Variants in SGK3 observed in about 807,000 individuals in gnomAD.
The protein encoded by SGK3 is serine/threonine-protein kinase Sgk3.
Under a neutral mutation model 68.5 loss-of-function variants are expected in SGK3, and 47 were observed. That is an observed-to-expected ratio of 0.69 (90% CI 0.54 to 0.87). The LOEUF (loss-of-function observed/expected upper bound fraction) is 0.87, where lower values mean the gene tolerates loss of function less well. Among genes scored for constraint, SGK3 ranks in the 40% least tolerant of loss-of-function variants. The probability of loss-of-function intolerance (pLI) is 0.00; values close to 1 mark genes in which losing one functional copy is unlikely to be tolerated. For missense variants in SGK3, 479 were observed against 575.5 expected (o/e 0.83, Z 1.72); for synonymous variants, 181 against 189.1 (o/e 0.96, Z 0.35).
chr8:66,793,454 G>T (rs1807547799), intron 1 of SGK3, among the ~76,000 whole-genome samples, 162 bp from the exon 2 acceptor site: 1 of 152,182 alleles, frequency 6.6e-6, no homozygotes, highest in South Asian at 2.1e-4. Flanking sequence ...GTGGCTTGTA[G>T]TAGGAACATA....
At chr8:66,835,369 C>G (rs998964308) in intron 8 of SGK3, among the ~76,000 whole-genome samples, 1 of 152,126 alleles carries the variant, frequency 6.6e-6, no homozygotes, top group African/African-American at 2.4e-5. Flanking sequence ...CAGTATGAAA[C>G]AGTACATTTT....
At chr8:66,778,049 C>G (rs893257057) in intron 1 of SGK3, 1 of 152,296 alleles carries the variant, frequency 6.6e-6, no homozygotes, top group African/African-American at 2.4e-5. Flanking sequence ...TGCAAACCCC[C>G]CCTCACATGC....
chr8:66,766,437 T>C (rs1456781047), intron 1 of SGK3, among the ~76,000 whole-genome samples: 4 of 152,160 alleles, frequency 2.6e-5, no homozygotes, highest in African/African-American at 9.6e-5. Flanking sequence ...GCTGGAGAAT[T>C]GCTTGAACCT....
intron 2 of SGK3, among the ~76,000 whole-genome samples, chr8:66,795,024 T>C (rs993754631): frequency 3.9e-5 from 6 of 152,230 alleles, no homozygotes; most frequent in Non-Finnish European, 8.8e-5. Flanking sequence ...GGCTCTGACA[T>C]GTCCTTCACC....
At chr8:66,762,557 TAAAA>T (rs1308776627) in intron 1 of SGK3, among the ~76,000 whole-genome samples, 2 of 151,904 alleles carry the variant, frequency 1.3e-5, no homozygotes, top group African/African-American at 2.4e-5. Context: ...TCATCACACT[TAAAA>T]AAAACCCACT....
chr8:66,782,903 C>T (rs1459764532), intron 1 of SGK3, among the ~76,000 whole-genome samples: 2 of 152,108 alleles, frequency 1.3e-5, no homozygotes, highest in African/African-American at 4.8e-5. Context: ...TGGTTGTTTC[C>T]AAGTTTTGGC....
intron 1 of SGK3, among the ~76,000 whole-genome samples, chr8:66,748,338 C>A (rs1805709364): frequency 6.6e-6 from 1 of 152,194 alleles, no homozygotes; most frequent in Admixed American, 6.5e-5. Flanking sequence ...TGATCCCTGA[C>A]TGTGCTGAAC....
intron 4 of SGK3, 102 bp downstream of exon 4, chr8:66,804,549 G>C: frequency 8.4e-7 from 1 of 1,197,088 alleles, no homozygotes; most frequent in Admixed American, 2.2e-5. Context: ...GACTTTAAAA[G>C]ATCTTATGCT....
intron 1 of SGK3, among the ~76,000 whole-genome samples, chr8:66,761,887 C>T (rs143300580): frequency 1.3e-3 from 198 of 152,300 alleles, no homozygotes; most frequent in African/African-American, 4.6e-3. Flanking sequence ...CCTACTGCCC[C>T]GTTTCAACAG....
chr8:66,736,275 A>G (rs1805312279), intron 1 of SGK3, among the ~76,000 whole-genome samples: 2 of 152,198 alleles, frequency 1.3e-5, no homozygotes, highest in Admixed American at 6.5e-5. Context: ...AAATTAATAT[A>G]ACAATAAAAA....
intron 1 of SGK3, among the ~76,000 whole-genome samples, chr8:66,760,316 T>C (rs2130458211): frequency 6.7e-6 from 1 of 150,314 alleles, no homozygotes; most frequent in Non-Finnish European, 1.5e-5. Context: ...CTTACTTTGT[T>C]CATTTTCTTT....
intron 12 of SGK3, chr8:66,840,778 C>T: frequency 3.8e-6 from 1 of 266,462 alleles, no homozygotes; most frequent in Non-Finnish European, 7.0e-6. Context: ...GAAACACCAT[C>T]TCTACTAAAA....
At chr8:66,767,558 C>A in intron 1 of SGK3, 1 of 1,477,334 alleles carries the variant, frequency 6.8e-7, no homozygotes, top group Non-Finnish European at 9.5e-7. Flanking sequence ...CTCTCCTCAT[C>A]AAGTATCATG....
chr8:66,845,573 T>C (rs1252649781), intron 14 of SGK3, among the ~76,000 whole-genome samples: 1 of 152,142 alleles, frequency 6.6e-6, no homozygotes, highest in Non-Finnish European at 1.5e-5. Flanking sequence ...TTGCTCAGGC[T>C]GGAGTGTAGT....
chr8:66,842,243 T>TA (rs1301295925), intron 13 of SGK3, among the ~76,000 whole-genome samples: 3 of 149,964 alleles, frequency 2.0e-5, no homozygotes, highest in African/African-American at 7.3e-5. Context: ...TTTTTTGAGA[T>TA]GGAGTCTCGC....
At chr8:66,724,148 A>G (rs1804905897) in intron 1 of SGK3, among the ~76,000 whole-genome samples, 1 of 151,964 alleles carries the variant, frequency 6.6e-6, no homozygotes, top group African/African-American at 2.4e-5. Flanking sequence ...ATTTTTAAAT[A>G]TTTTTTCTAG....
chr8:66,837,775 C>A (rs1005223842), intron 10 of SGK3, among the ~76,000 whole-genome samples: 9 of 151,918 alleles, frequency 5.9e-5, no homozygotes, highest in African/African-American at 2.2e-4. Context: ...CAGAACAAGA[C>A]CCTGTGTCAA....
At chr8:66,830,171 C>T (rs1382027320) in intron 7 of SGK3, among the ~76,000 whole-genome samples, 1 of 152,022 alleles carries the variant, frequency 6.6e-6, no homozygotes, top group African/African-American at 2.4e-5. Flanking sequence ...TGGAAATTTG[C>T]CTGAAGTTAA....
chr8:66,754,968 C>T (rs1805929225), intron 1 of SGK3, among the ~76,000 whole-genome samples: 1 of 152,192 alleles, frequency 6.6e-6, no homozygotes, highest in South Asian at 2.1e-4. Flanking sequence ...TGTTTAACAA[C>T]AGCAACAAGG....
Sources: allele counts gnomAD v4.1 joint callset (sites outside exome capture counted in the v4.1 genomes callset), GRCh38; gene constraint gnomAD v4.1.1; transcripts MANE v1.5; gene names NCBI Gene and HGNC (gene_info 2026-07-23, HGNC 2026-07-21).